The following ADAMTS17 variants were observed in gnomAD, a reference collection of about 807,000 sequenced individuals.
The protein encoded by ADAMTS17 is ADAM metallopeptidase with thrombospondin type 1 motif 17, also known as A disintegrin and metalloproteinase with thrombospondin motifs 17.
Under a neutral mutation model 141.5 loss-of-function variants are expected in ADAMTS17, and 113 were observed. The observed-to-expected ratio is 0.80, with a 90% confidence interval of 0.69 to 0.93. The LOEUF (loss-of-function observed/expected upper bound fraction) is 0.93, where lower values mean the gene tolerates loss of function less well. ADAMTS17 is among the 40% of genes least tolerant of loss of function. The pLI, the probability that ADAMTS17 is intolerant of heterozygous loss-of-function variation, is 0.00. For synonymous variants in ADAMTS17, 768 were observed against 630.6 expected (o/e 1.22, Z -3.27); for missense variants, 1,659 against 1,517.9 (o/e 1.09, Z -1.54).
intron 8 of ADAMTS17, among the ~76,000 whole-genome samples, chr15:100,179,661 C>G (rs61379961): frequency 6.6e-6 from 1 of 152,296 alleles, no homozygotes; most frequent in African/African-American, 2.4e-5. Flanking sequence ...TACATTCCCA[C>G]CAGTGTATGA....
In ADAMTS17 at chr15:100,157,295, C is replaced by A. The variant is rs138206900; in HGVS notation, c.1182-1975G>T. On this transcript the variant is annotated intron_variant, in intron 8 of 21. Transcript: ENST00000268070. ...ACATGGAAGTCCAATTGGCAGACACCCGTCCTCAAAGAAGAGGCTTTCCCT... is the reference window on the plus strand; with the variant it reads ...ACATGGAAGTCCAATTGGCAGACACACGTCCTCAAAGAAGAGGCTTTCCCT... Among the ~76,000 whole-genome samples, 4 of 152,230 alleles carry A rather than the reference C, an allele frequency of 2.6e-5. No homozygotes were observed. The East Asian group carries it at 7.7e-4, about 29-fold the overall frequency.
At chr15:100,101,288 T>C (rs2036083962) in intron 14 of ADAMTS17, among the ~76,000 whole-genome samples, 1 of 152,014 alleles carries the variant, frequency 6.6e-6, no homozygotes, top group Non-Finnish European at 1.5e-5. Flanking sequence ...TCTTCACACA[T>C]ACCAATCTCT....
chr15:100,225,478 C>T (rs747121371), intron 7 of ADAMTS17, among the ~76,000 whole-genome samples: 1 of 151,196 alleles, frequency 6.6e-6, no homozygotes, highest in Non-Finnish European at 1.5e-5. Flanking sequence ...GTCCTTACAG[C>T]AGTCACGGTC....
At chr15:100,312,916 A>G (rs2045449241) in intron 3 of ADAMTS17, among the ~76,000 whole-genome samples, 2 of 152,230 alleles carry the variant, frequency 1.3e-5, no homozygotes, top group Admixed American at 6.5e-5. Context: ...TACACATTTA[A>G]ATTGGAAAAT....
chr15:100,298,275 A>G (rs1412693630), intron 3 of ADAMTS17, among the ~76,000 whole-genome samples: 2 of 152,182 alleles, frequency 1.3e-5, no homozygotes, highest in African/African-American at 4.8e-5. Context: ...TGCCTCCCTC[A>G]GTTTCTACTG....
chr15:100,254,961 A>G (rs1240519822), intron 6 of ADAMTS17, among the ~76,000 whole-genome samples: 3 of 152,074 alleles, frequency 2.0e-5, no homozygotes, highest in African/African-American at 4.8e-5. Context: ...ATGTTTACCT[A>G]TGTAATGAAC....
At chr15:100,192,318 C>T (rs527913467) in intron 8 of ADAMTS17, among the ~76,000 whole-genome samples, 26 of 152,292 alleles carry the variant, frequency 1.7e-4, no homozygotes, top group Non-Finnish European at 1.2e-4. Flanking sequence ...GGGGATGAGG[C>T]CCAGGCAGGA....
chr15:100,323,433 T>C (rs1414439171), intron 3 of ADAMTS17, among the ~76,000 whole-genome samples: 1 of 152,198 alleles, frequency 6.6e-6, no homozygotes, highest in Non-Finnish European at 1.5e-5. Flanking sequence ...TTACAGACTA[T>C]TTAGAAGTGG....
intron 10 of ADAMTS17, among the ~76,000 whole-genome samples, chr15:100,136,666 C>T (rs542659512): frequency 1.4e-4 from 21 of 152,250 alleles, no homozygotes; most frequent in African/African-American, 5.1e-4. Context: ...AGAGTCTGAG[C>T]TGGGTTAGAA....
chr15:100,205,872 C>A (rs549814536), intron 7 of ADAMTS17, among the ~76,000 whole-genome samples: 2 of 152,174 alleles, frequency 1.3e-5, no homozygotes. Flanking sequence ...GAAGGGTGGG[C>A]GCCGCGGTCT....
intron 2 of ADAMTS17, 24 bp from the exon 3 acceptor site, chr15:100,331,078 G>C: frequency 6.2e-7 from 1 of 1,613,966 alleles, no homozygotes; most frequent in South Asian, 1.1e-5. Context: ...AGAAGGAAAC[G>C]CGATGTCGGT....
intron 20 of ADAMTS17, among the ~76,000 whole-genome samples, chr15:99,990,072 C>G (rs1333622743): frequency 6.6e-6 from 1 of 152,190 alleles, no homozygotes; most frequent in Non-Finnish European, 1.5e-5. Flanking sequence ...TTTTCGCTCT[C>G]TTGACTGAGC....
intron 8 of ADAMTS17, among the ~76,000 whole-genome samples, chr15:100,176,520 G>T (rs910231420): frequency 9.9e-5 from 15 of 152,162 alleles, no homozygotes; most frequent in African/African-American, 3.4e-4. Flanking sequence ...ACACAGGTAG[G>T]TTGCATGCAC....
At chr15:100,075,079 C>T (rs2034274251) in intron 15 of ADAMTS17, among the ~76,000 whole-genome samples, 1 of 152,056 alleles carries the variant, frequency 6.6e-6, no homozygotes, top group Non-Finnish European at 1.5e-5. Flanking sequence ...TATATTTATA[C>T]TTCTATTGTG....
intron 15 of ADAMTS17, among the ~76,000 whole-genome samples, chr15:100,064,450 T>G (rs1049314070): frequency 6.6e-6 from 1 of 152,194 alleles, no homozygotes; most frequent in African/African-American, 2.4e-5. Flanking sequence ...ACCTCCCTGG[T>G]GCATCAGTGA....
intron 2 of ADAMTS17, among the ~76,000 whole-genome samples, chr15:100,334,575 G>A (rs766106167): frequency 6.6e-6 from 1 of 151,954 alleles, no homozygotes; most frequent in Non-Finnish European, 1.5e-5. Context: ...CACCTCTTTC[G>A]ATCCTCCCGT....
intron 10 of ADAMTS17, among the ~76,000 whole-genome samples, chr15:100,148,978 A>G (rs1414912999): frequency 6.6e-6 from 1 of 152,242 alleles, no homozygotes; most frequent in Non-Finnish European, 1.5e-5. Flanking sequence ...CAGCTGGAAT[A>G]GAGTAAGTGC....
At chr15:100,239,796 C>T (rs561295520) in intron 7 of ADAMTS17, among the ~76,000 whole-genome samples, 38 of 152,210 alleles carry the variant, frequency 2.5e-4, no homozygotes, top group African/African-American at 7.5e-4. Context: ...GTTGATTTGA[C>T]GAAGAAGTCA....
intron 18 of ADAMTS17, among the ~76,000 whole-genome samples, chr15:100,043,057 A>C (rs2031392255): frequency 2.6e-5 from 4 of 152,234 alleles, no homozygotes; most frequent in Admixed American, 2.6e-4. Context: ...ATCTATTATC[A>C]GATCATACAT....
Sources: allele counts gnomAD v4.1 joint callset (sites outside exome capture counted in the v4.1 genomes callset), GRCh38; gene constraint gnomAD v4.1.1; transcripts MANE v1.5; gene names NCBI Gene and HGNC (gene_info 2026-07-23, HGNC 2026-07-21).